The following PTPRD variants were observed in gnomAD, a reference collection of about 807,000 sequenced individuals.
The protein encoded by PTPRD is protein tyrosine phosphatase receptor type D.
PTPRD carries 34 observed loss-of-function variants against 214.5 expected under a neutral mutation model. The observed-to-expected ratio is 0.16, with a 90% CI of 0.12 to 0.21. The LOEUF (loss-of-function observed/expected upper bound fraction) is 0.21. PTPRD is among the 10% of genes least tolerant of loss of function. The pLI, the probability that PTPRD is intolerant of heterozygous loss-of-function variation, is 1.00. For missense variants in PTPRD, 2,545 were observed against 2,398.7 expected (o/e 1.06, Z -1.27); for synonymous variants, 1,128 against 845.7 (o/e 1.33, Z -5.79).
chr9:10,000,354 G>A (rs1317624048), intron 4 of PTPRD, among the ~76,000 whole-genome samples: 1 of 152,040 alleles, frequency 6.6e-6, no homozygotes, highest in Non-Finnish European at 1.5e-5. Flanking sequence ...TAACCTTCTT[G>A]TAAAATTTAT....
chr9:8,499,632 A>C lies in PTPRD; in HGVS notation c.2322+15T>G, dbSNP rs370418523. ...TATTATATAAAAACAGAGGTACATAATTTCAGAGGCTTACCTGTGCATCAG... is the reference window on the plus strand; with the variant it reads ...TATTATATAAAAACAGAGGTACATACTTTCAGAGGCTTACCTGTGCATCAG... On this transcript the variant is annotated intron_variant, in intron 25 of 45. Coordinates refer to ENST00000381196, the MANE Select transcript of PTPRD (RefSeq NM_002839.4). 3.5e-5 allele frequency: 56 copies of C among 1,601,700 alleles called. No individual in the cohort carries two copies. The highest frequency in any genetic ancestry group is 4.5e-5 in the Non-Finnish European group (53 of 1,176,854).
At chr9:10,223,059 T>C (rs1045074746) in intron 3 of PTPRD, among the ~76,000 whole-genome samples, 6 of 152,018 alleles carry the variant, frequency 3.9e-5, no homozygotes, top group African/African-American at 1.4e-4. Context: ...GCTTATTTTC[T>C]TAATATTGTT....
intron 35 of PTPRD, among the ~76,000 whole-genome samples, chr9:8,421,409 T>C (rs865923335): frequency 6.9e-4 from 101 of 146,562 alleles, no homozygotes; most frequent in African/African-American, 2.4e-3. Flanking sequence ...TCTCAACTTA[T>C]GCATGTATTA....
intron 14 of PTPRD, among the ~76,000 whole-genome samples, chr9:8,554,949 T>C (rs2083287175): frequency 6.6e-6 from 1 of 151,982 alleles, no homozygotes; most frequent in East Asian, 1.9e-4. Flanking sequence ...TATGAGTATA[T>C]ATGACTTAGC....
chr9:10,512,011 CGT>C (rs1157315350), intron 2 of PTPRD, among the ~76,000 whole-genome samples: 4 of 41,192 alleles, frequency 9.7e-5, no homozygotes, highest in African/African-American at 3.6e-4. Context: ...TATATATATA[CGT>C]GTGTGTATAT....
chr9:9,979,190 G>A (rs1397720702), intron 4 of PTPRD, among the ~76,000 whole-genome samples: 3 of 152,002 alleles, frequency 2.0e-5, no homozygotes, highest in Admixed American at 6.6e-5. Flanking sequence ...TTTATACAAA[G>A]AAAGAGTGTC....
chr9:10,590,302 T>A (rs1026234680), intron 2 of PTPRD, among the ~76,000 whole-genome samples: 2 of 152,020 alleles, frequency 1.3e-5, no homozygotes, highest in South Asian at 2.1e-4. Context: ...CAATCTTTTT[T>A]TTACATTTTA....
At chr9:10,273,878 ATATT>A in intron 3 of PTPRD, among the ~76,000 whole-genome samples, 1 of 152,272 alleles carries the variant, frequency 6.6e-6, no homozygotes, top group Admixed American at 6.5e-5. Flanking sequence ...GGAGCTACAA[ATATT>A]TATTTAACAA....
intron 7 of PTPRD, among the ~76,000 whole-genome samples, chr9:9,646,661 C>T (rs1039496803): frequency 1.3e-5 from 2 of 152,056 alleles, no homozygotes; most frequent in African/African-American, 2.4e-5. Flanking sequence ...ATAGTAGTCC[C>T]TCTCTTATCC....
chr9:9,462,299 C>T (rs1341906017), intron 8 of PTPRD, among the ~76,000 whole-genome samples: 1 of 152,070 alleles, frequency 6.6e-6, no homozygotes, highest in Non-Finnish European at 1.5e-5. Context: ...TGGCAGTGAA[C>T]TATGCAGCCA....
At chr9:10,010,537 C>A (rs970673251) in intron 4 of PTPRD, among the ~76,000 whole-genome samples, 1 of 151,700 alleles carries the variant, frequency 6.6e-6, no homozygotes, top group African/African-American at 2.4e-5. Flanking sequence ...AGGATGAGTT[C>A]CACACCTGGG....
intron 43 of PTPRD, among the ~76,000 whole-genome samples, chr9:8,332,467 G>C (rs1023256515): frequency 6.6e-6 from 1 of 152,090 alleles, no homozygotes; most frequent in African/African-American, 2.4e-5. Context: ...GCCCTTTTCT[G>C]AAAAAGAGCT....
chr9:8,552,006 A>G (rs535231333), intron 14 of PTPRD, among the ~76,000 whole-genome samples: 1 of 152,336 alleles, frequency 6.6e-6, no homozygotes, highest in East Asian at 1.9e-4. Context: ...GCTAAGATCC[A>G]AGTTGAAAAG....
intron 9 of PTPRD, among the ~76,000 whole-genome samples, chr9:9,201,943 A>G (rs1049449830): frequency 2.0e-5 from 3 of 152,242 alleles, no homozygotes; most frequent in African/African-American, 7.2e-5. Context: ...TAGGAAATGA[A>G]ACACTAATAA....
At chr9:8,848,360 G>A (rs1012919259) in intron 11 of PTPRD, among the ~76,000 whole-genome samples, 2 of 142,306 alleles carry the variant, frequency 1.4e-5, no homozygotes, top group Admixed American at 1.4e-4. Flanking sequence ...TTTTGAGACA[G>A]AGTCTTGCTC....
intron 4 of PTPRD, among the ~76,000 whole-genome samples, chr9:9,945,013 C>A (rs530290767): frequency 1.8e-4 from 28 of 152,014 alleles, no homozygotes; most frequent in African/African-American, 6.8e-4. Flanking sequence ...TGAGAGGTAG[C>A]TAGAATATGG....
At chr9:8,623,075 T>C (rs747168156) in intron 14 of PTPRD, among the ~76,000 whole-genome samples, 8 of 151,816 alleles carry the variant, frequency 5.3e-5, no homozygotes, top group African/African-American at 7.3e-5. Context: ...CCCTTGAACA[T>C]AGGAGTGACA....
intron 14 of PTPRD, among the ~76,000 whole-genome samples, chr9:8,567,554 T>G (rs569201138): frequency 1.2e-4 from 19 of 152,292 alleles, no homozygotes; most frequent in East Asian, 3.9e-4. Flanking sequence ...TCATGGTATT[T>G]CCAGCATTTT....
At chr9:10,568,413 G>T in intron 2 of PTPRD, among the ~76,000 whole-genome samples, 1 of 152,006 alleles carries the variant, frequency 6.6e-6, no homozygotes, top group Non-Finnish European at 1.5e-5. Flanking sequence ...TGTGAATAGT[G>T]CCGCAATAAA....
Sources: allele counts gnomAD v4.1 joint callset (sites outside exome capture counted in the v4.1 genomes callset), GRCh38; gene constraint gnomAD v4.1.1; transcripts MANE v1.5; gene names NCBI Gene and HGNC (gene_info 2026-07-23, HGNC 2026-07-21).